TSNAX: variants seen among roughly 807,000 people sequenced by gnomAD.
The protein encoded by TSNAX is translin-associated protein X.
TSNAX carries 12 observed loss-of-function variants against 33.0 expected under a neutral mutation model. The ratio of observed to expected loss-of-function variants is 0.36; its 90% CI spans 0.23 to 0.59. TSNAX has a LOEUF of 0.59. TSNAX is among the 20% of genes least tolerant of loss of function. The probability of loss-of-function intolerance (pLI) is 0.74; values close to 1 mark genes in which losing one functional copy is unlikely to be tolerated. For missense variants in TSNAX, 267 were observed against 341.3 expected (o/e 0.78, Z 1.72); for synonymous variants, 110 against 117.2 (o/e 0.94, Z 0.40).
intron 4 of TSNAX, among the ~76,000 whole-genome samples, chr1:231,559,990 T>G (rs1179352106): frequency 1.3e-5 from 2 of 150,220 alleles, no homozygotes; most frequent in East Asian, 3.9e-4. Flanking sequence ...TTATTATTTT[T>G]TTTTTTTTGC....
chr1:231,552,125 G>A (rs1048080410), intron 4 of TSNAX, among the ~76,000 whole-genome samples: 5 of 152,030 alleles, frequency 3.3e-5, no homozygotes, highest in African/African-American at 7.2e-5. Context: ...ATGAAACCCC[G>A]TCTACAAAAG....
chr1:231,545,216 C>T (rs1284968522), intron 4 of TSNAX, among the ~76,000 whole-genome samples: 5 of 152,138 alleles, frequency 3.3e-5, no homozygotes, highest in African/African-American at 1.2e-4. Flanking sequence ...GAATAGCTTG[C>T]TGCTTGTAAT....
intron 3 of TSNAX, among the ~76,000 whole-genome samples, chr1:231,542,084 C>T (rs1659610521): frequency 6.6e-6 from 1 of 152,138 alleles, no homozygotes; most frequent in Admixed American, 6.5e-5. Flanking sequence ...TGTTCTCCTC[C>T]CTTTCCCCAG....
chr1:231,537,033 GT>G (rs1482423217), intron 2 of TSNAX, 179 bp from the exon 3 acceptor site: 1 of 420,428 alleles, frequency 2.4e-6, no homozygotes, highest in Non-Finnish European at 4.3e-6. Context: ...GGGTTTCACC[GT>G]CTAGGCCAGG....
Position 231,528,942 on chromosome 1 carries a change from G to A in TSNAX, c.16+116G>A, listed in dbSNP as rs115138069. On this transcript the variant is annotated intron_variant, in intron 1 of 5. Transcript: ENST00000366639. ...GATGCCTTCGTCCCTTGTAGACTCG[G>A]GGGCGGCCCCTCTGTTTCTCTCCCC... The A allele has an allele frequency of 2.1e-4, 293 of 1,389,370 alleles. No homozygotes were observed. In the African/African-American group the frequency reaches 3.6e-3, roughly 17 times the overall value. The allele number at this position is 1,389,370 out of a possible 1,614,324, so 86.1% of individuals were successfully genotyped here. A position where few individuals can be genotyped will look rare whatever the true frequency, so the allele number is the denominator to read the frequency against.
intron 2 of TSNAX, chr1:231,534,535 A>G (rs1399200400): frequency 3.9e-5 from 6 of 152,244 alleles, no homozygotes; most frequent in Admixed American, 3.9e-4. Context: ...AAATTAACTT[A>G]TATTACTATT....
chr1:231,561,049 T>C, intron 4 of TSNAX, 79 bp from the exon 5 acceptor site: 1 of 1,424,020 alleles, frequency 7.0e-7, no homozygotes, highest in Admixed American at 2.2e-5. Context: ...TAGATGATGA[T>C]CAATATGAAG....
chr1:231,529,424 G>A (rs1658503790), intron 2 of TSNAX, 65 bp downstream of exon 2: 1 of 1,495,454 alleles, frequency 6.7e-7, no homozygotes, highest in Non-Finnish European at 9.3e-7. Context: ...ATGGTTATGC[G>A]CAAGAAAACA....
intron 1 of TSNAX, 22 bp from the exon 2 acceptor site, chr1:231,529,233 C>CG: frequency 6.2e-7 from 1 of 1,607,574 alleles, no homozygotes; most frequent in Non-Finnish European, 8.5e-7. Flanking sequence ...AGATCCCTCT[C>CG]TTTTTTTCTT....
At chr1:231,547,425 C>G (rs1213503101) in intron 4 of TSNAX, among the ~76,000 whole-genome samples, 1 of 123,420 alleles carries the variant, frequency 8.1e-6, no homozygotes, top group Admixed American at 1.1e-4. Flanking sequence ...GAGTCTCACT[C>G]TGTCGCCCAG....
chr1:231,540,597 A>C (rs1322313714), intron 3 of TSNAX, among the ~76,000 whole-genome samples: 1 of 152,200 alleles, frequency 6.6e-6, no homozygotes. Flanking sequence ...TTGTGTGTGC[A>C]CTTGAAGAGT....
chr1:231,534,993 T>A (rs181755660), intron 2 of TSNAX: 4 of 152,236 alleles, frequency 2.6e-5, no homozygotes, highest in Admixed American at 6.5e-5. Flanking sequence ...GATATCTGAA[T>A]GATGAAAGTG....
Sources: gnomAD v4.1 joint callset for allele counts (sites outside exome capture counted in the v4.1 genomes callset) on GRCh38, gnomAD v4.1.1 for gene constraint, MANE v1.5 for transcripts, NCBI Gene and HGNC (gene_info 2026-07-23, HGNC 2026-07-21) for gene names.